Variants in RUNDC3A observed in about 807,000 individuals in gnomAD.
RUNDC3A encodes RUN domain containing 3A.
A neutral mutation model predicts 53.9 loss-of-function variants in RUNDC3A; 28 were observed. The ratio of observed to expected loss-of-function variants is 0.52; its 90% CI spans 0.38 to 0.71. The LOEUF (loss-of-function observed/expected upper bound fraction) is 0.71, where lower values mean the gene tolerates loss of function less well. Ranked by LOEUF, RUNDC3A falls within the 30% of genes least tolerant of loss-of-function variation. The probability of loss-of-function intolerance (pLI) is 0.00; values close to 1 mark genes in which losing one functional copy is unlikely to be tolerated. For synonymous variants in RUNDC3A, 232 were observed against 249.4 expected, an observed-to-expected ratio of 0.93 and a Z score of 0.66; for missense variants, 491 against 597.3, an observed-to-expected ratio of 0.82 and a Z score of 1.85.
intron 8 of RUNDC3A, 106 bp from the exon 9 acceptor site, chr17:44,316,279 T>C (rs2047860221): frequency 8.9e-7 from 1 of 1,124,950 alleles, no homozygotes; most frequent in Non-Finnish European, 1.3e-6. Context: ...ATCCCCATTT[T>C]TGCCGCTCAG....
Position 44,315,151 on chromosome 17 carries a change from C to A in RUNDC3A, c.630-4C>A. On this transcript the variant is annotated splice_polypyrimidine_tract_variant and splice_region_variant and intron_variant, in intron 6 of 10. Transcript: ENST00000426726. The surrounding 1 kb of genome is among the most constrained non-coding windows in gnomAD (Gnocchi z 6.1). ...CGGCCGTGCCCACTGCTCCCTCTCCCAAGCTACGACTACCTGACGGACGAG... is the reference window on the plus strand; with the variant it reads ...CGGCCGTGCCCACTGCTCCCTCTCCAAAGCTACGACTACCTGACGGACGAG... 6.3e-7 allele frequency: 1 copy of A among 1,577,874 alleles called. No homozygotes were observed. Among genetic ancestry groups the A allele is most frequent in the East Asian group, 2.3e-5 (1 of 42,694 alleles).
chr17:44,310,197 G>A (rs1023513103), intron 1 of RUNDC3A, among the ~76,000 whole-genome samples: 10 of 152,196 alleles, frequency 6.6e-5, no homozygotes, highest in African/African-American at 1.2e-4. Flanking sequence ...CTTTAGCTGC[G>A]CCACCTTGGG....
In RUNDC3A at chr17:44,315,487, G is replaced by A; in HGVS notation, c.831G>A (p.Ser277=). 2 of 1,506,760 alleles carry A rather than the reference G, an allele frequency of 1.3e-6. No homozygotes were observed. The highest frequency in any genetic ancestry group is 2.9e-5 in the East Asian group (1 of 34,954). The allele number at this position is 1,506,760 out of a possible 1,614,324, so 93.3% of individuals were successfully genotyped here. The change falls in exon 8 of 11, where the codon TCG becomes TCA. Residue 277 remains serine, a synonymous_variant. Transcript: ENST00000426726. This position sits in a 1 kb window ranked among gnomAD's most constrained non-coding sequence, Gnocchi z 6.1. The part of the protein sequence containing the change: ...YLEELVRLRE[S]QLKDLEAENR... The stretch of plus-strand genomic sequence containing the variant: ...AGGAGCTGGTGCGTCTGCGCGAGTC[G>A]CAGCTGAAGGACCTGGAGGCGGAGA...
intron 4 of RUNDC3A, 62 bp from the exon 5 acceptor site, chr17:44,314,673 C>CTG: frequency 3.3e-6 from 2 of 601,158 alleles, no homozygotes; most frequent in South Asian, 1.9e-5. Flanking sequence ...AATAGCAGCT[C>CTG]TGGGGGGGGG....
rs1180402543 is a variant in RUNDC3A, at chr17:44,312,566, A to G, written c.108-14A>G. 2 of 1,509,380 alleles carry G rather than the reference A, an allele frequency of 1.3e-6. No homozygotes were observed. The highest frequency in any genetic ancestry group is 9.0e-7 in the Non-Finnish European group (1 of 1,110,734). 93.5% of individuals were successfully genotyped at this position (1,509,380 alleles called of 1,614,324 possible). A position where few individuals can be genotyped will look rare whatever the true frequency, so the allele number is the denominator to read the frequency against. ...TGACACCCCACTGCCCCATCTCCCC[A>G]CCTCGCCGCCCAGGTTCTCTGTGAA... On this transcript the variant is annotated splice_polypyrimidine_tract_variant and intron_variant, in intron 1 of 10. Coordinates refer to ENST00000426726, the MANE Select transcript of RUNDC3A (RefSeq NM_001144825.2).
chr17:44,315,656 A>G lies in RUNDC3A; in HGVS notation c.953+47A>G. The G allele has an allele frequency of 7.5e-7, 1 of 1,331,808 alleles. No homozygotes were observed. Among genetic ancestry groups the G allele is most frequent in the Non-Finnish European group, 9.7e-7 (1 of 1,028,516 alleles). The allele number at this position is 1,331,808 out of a possible 1,614,324, so 82.5% of individuals were successfully genotyped here. A position where few individuals can be genotyped will look rare whatever the true frequency, so the allele number is the denominator to read the frequency against. Reference sequence around the variant, plus strand: ...ACCCCTGACCCCCGCCGCCCCGACCACATCACCGGGTGAACCCCATCTTCA... The same window carrying G: ...ACCCCTGACCCCCGCCGCCCCGACCGCATCACCGGGTGAACCCCATCTTCA... On this transcript the variant is annotated intron_variant, in intron 8 of 10. Coordinates refer to ENST00000426726, the MANE Select transcript of RUNDC3A (RefSeq NM_001144825.2). The surrounding 1 kb of genome is among the most constrained non-coding windows in gnomAD (Gnocchi z 6.1).
intron 5 of RUNDC3A, 24 bp downstream of exon 5, chr17:44,314,848 G>T: frequency 1.9e-6 from 3 of 1,613,952 alleles, no homozygotes; most frequent in Non-Finnish European, 2.5e-6. Flanking sequence ...GACGGCAGTG[G>T]TGGAGGGGGC....
Position 44,313,436 on chromosome 17 carries a change from G to A in RUNDC3A, c.391G>A (p.Val131Met), listed in dbSNP as rs2047789022. Residue 131 changes from valine (V) to methionine (M), a missense_variant, in exon 4 of 11, where the codon GTG becomes ATG. Physicochemically the swap from Val to Met is conservative, Grantham distance 21. Coordinates refer to ENST00000426726, the MANE Select transcript of RUNDC3A (RefSeq NM_001144825.2). ...TTTCCAGGGCCGGGCATGGATCCGG[G>A]TGGCACTGATGGAGAAGCGCATGTC... ...ARAKGRAWIR[V>M]ALMEKRMSEY... 1 of 1,613,832 alleles carries A rather than the reference G, an allele frequency of 6.2e-7. No homozygotes were observed. Among genetic ancestry groups the A allele is most frequent in the African/African-American group, 1.3e-5 (1 of 74,900 alleles).
At position 44,316,416 on chromosome 17, in the gene RUNDC3A, C is replaced by T. The variant is rs779213235; in HGVS notation, c.985C>T (p.Leu329=). Residue 329 remains leucine, a synonymous_variant, in exon 9 of 11, where the codon CTG becomes TTG. Transcript: ENST00000426726. ...TGLIPSDHAP[L]AQGSKELTTP... The stretch of plus-strand genomic sequence containing the variant: ...TCTGATCCCCAGTGACCACGCCCCT[C>T]TGGCCCAGGGTTCCAAGGAGCTCAC... 1.2e-6 allele frequency: 2 copies of T among 1,613,768 alleles called. No homozygotes were observed. Among genetic ancestry groups the T allele is most frequent in the East Asian group, 2.2e-5 (1 of 44,894 alleles).
At position 44,315,300 on chromosome 17, in the gene RUNDC3A, C is replaced by T; in HGVS notation, c.775C>T (p.Arg259Cys). 7 of 1,531,554 alleles carry T rather than the reference C, an allele frequency of 4.6e-6. No individual in the cohort carries two copies. The highest frequency in any genetic ancestry group is 6.2e-6 in the Non-Finnish European group (7 of 1,137,382). The allele number at this position is 1,531,554 out of a possible 1,614,324, so 94.9% of individuals were successfully genotyped here. A position where few individuals can be genotyped will look rare whatever the true frequency, so the allele number is the denominator to read the frequency against. The change falls in exon 7 of 11, where the codon CGC becomes TGC. Residue 259 changes from arginine to cysteine, a missense_variant. Arg to Cys is a radical substitution (Grantham distance 180). This residue lies in a region of RUNDC3A where 273 missense variants were observed against 389.0 expected (regional missense o/e 0.70). Coordinates refer to ENST00000426726, the MANE Select transcript of RUNDC3A (RefSeq NM_001144825.2). The surrounding 1 kb of genome is among the most constrained non-coding windows in gnomAD (Gnocchi z 6.1). ...GTGGCACAAGATGGAGCAGAAGTTC[C>T]GCATCGTCTACGCGCAGAAGGTGCG... ...SKWHKMEQKF[R>C]IVYAQKGYLE...
chr17:44,313,152 G>A lies in RUNDC3A; in HGVS notation c.272G>A (p.Arg91Gln), dbSNP rs538779729. 4.3e-6 allele frequency: 7 copies of A among 1,614,052 alleles called. No homozygotes were observed. The highest frequency in any genetic ancestry group is 2.2e-5 in the East Asian group (1 of 44,878). The stretch of plus-strand genomic sequence containing the variant: ...AGCTGGTTCAGCTCAGACGGGCAGC[G>A]GGGCTTTTGGGACTATATCCGGCTG... ...PVSWFSSDGQ[R>Q]GFWDYIRLAC... is the part of the protein sequence containing the mutation. The change falls in exon 3 of 11, where the codon CGG (arginine) becomes CAG (glutamine). Residue 91 changes from arginine (R) to glutamine (Q), a missense_variant. This residue lies in a region of RUNDC3A where 273 missense variants were observed against 389.0 expected (regional missense o/e 0.70). Transcript: ENST00000426726.
In RUNDC3A at chr17:44,317,871, C is replaced by T. The variant is rs1392113197; in HGVS notation, c.1199-225C>T. On this transcript the variant is annotated intron_variant, in intron 10 of 10. Transcript: ENST00000426726. ...GGACAAAGAGAGAGGATGACCCTCA[C>T]GGGGAGACAGAGACATCAACTGACG... 4.9e-5 allele frequency: 29 copies of T among 593,580 alleles called. 1 individual carries two copies. The highest frequency in any genetic ancestry group is 2.2e-4 in the East Asian group (8 of 36,142). The allele number at this position is 593,580 out of a possible 1,614,324, so 36.8% of individuals were successfully genotyped here. A position where few individuals can be genotyped will look rare whatever the true frequency, so the allele number is the denominator to read the frequency against.
At chr17:44,317,335 C>A (rs2144699861) in intron 10 of RUNDC3A, 1 of 696,428 alleles carries the variant, frequency 1.4e-6, no homozygotes, top group East Asian at 2.7e-5. Flanking sequence ...AATGTTGTCA[C>A]ATGGTGAGGG....
At chr17:44,314,863 TC>T (rs774982688) in intron 5 of RUNDC3A, 39 bp downstream of exon 5, 3 of 1,613,844 alleles carry the variant, frequency 1.9e-6, no homozygotes, top group Admixed American at 3.3e-5. Context: ...GGGGGCTGTT[TC>T]CCCCATAAAT....
chr17:44,314,688 G>GGGGGCCC, intron 4 of RUNDC3A, 47 bp from the exon 5 acceptor site: 1 of 931,062 alleles, frequency 1.1e-6, no homozygotes, highest in Non-Finnish European at 1.5e-6. Flanking sequence ...GGGGGGGGGG[G>GGGGGCCC]CGCTCCAGGG....
In RUNDC3A at chr17:44,315,355, G is replaced by A; in HGVS notation, c.795+35G>A. Reference sequence around the variant, plus strand: ...GCCGGCGGGCCCGGGGGGCGGGCGGGCCGGGCGGGGGATCCGGGCATCCCG... The same window carrying A: ...GCCGGCGGGCCCGGGGGGCGGGCGGACCGGGCGGGGGATCCGGGCATCCCG... On this transcript the variant is annotated intron_variant, in intron 7 of 10. Transcript: ENST00000426726. The surrounding 1 kb of genome is among the most constrained non-coding windows in gnomAD (Gnocchi z 6.1). The A allele has an allele frequency of 1.5e-6, 2 of 1,293,968 alleles. No individual in the cohort carries two copies. The highest frequency in any genetic ancestry group is 9.9e-7 in the Non-Finnish European group (1 of 1,013,662). The allele number at this position is 1,293,968 out of a possible 1,614,324, so 80.2% of individuals were successfully genotyped here.
At chr17:44,313,010 G>A in intron 2 of RUNDC3A, 94 bp from the exon 3 acceptor site, 1 of 1,369,016 alleles carries the variant, frequency 7.3e-7, no homozygotes, top group Non-Finnish European at 1.0e-6. Flanking sequence ...TTTGTGGGAG[G>A]AGGCTGCTTA....
At chr17:44,311,303 G>A (rs1026389924) in intron 1 of RUNDC3A, 2 of 985,378 alleles carry the variant, frequency 2.0e-6, no homozygotes, top group African/African-American at 1.7e-5. Context: ...GGCTGCTCCA[G>A]GCCTTGGTCA....
intron 4 of RUNDC3A, 179 bp downstream of exon 4, chr17:44,313,682 T>C: frequency 1.7e-6 from 2 of 1,185,096 alleles, no homozygotes; most frequent in South Asian, 2.4e-5. Flanking sequence ...CGAACTCTTT[T>C]TTTTTTTTTT....
Sources: allele counts gnomAD v4.1 joint callset (sites outside exome capture counted in the v4.1 genomes callset), GRCh38; gene constraint gnomAD v4.1.1; regional missense constraint gnomAD v4.1.1; non-coding constraint Gnocchi (gnomAD v3.1); transcripts MANE v1.5; gene names NCBI Gene and HGNC (gene_info 2026-07-23, HGNC 2026-07-21).